The following MUC17 variants were observed in gnomAD, a reference collection of about 807,000 sequenced individuals.
MUC17 encodes the protein mucin-17.
MUC17 carries 190 observed loss-of-function variants against 170.3 expected under a neutral mutation model. The observed-to-expected ratio is 1.12, with a 90% CI of 0.99 to 1.26. MUC17 has a LOEUF of 1.26. MUC17 is among the 50% of genes most tolerant of loss of function. MUC17 has a pLI of 0.00. For synonymous variants in MUC17, 2,325 were observed against 2,002.5 expected, an observed-to-expected ratio of 1.16 and a Z score of -4.30; for missense variants, 6,415 against 5,530.0, an observed-to-expected ratio of 1.16 and a Z score of -5.08.
At position 101,042,086 on chromosome 7, in the gene MUC17, C is replaced by T. The variant is rs549810081; in HGVS notation, c.10670C>T (p.Ser3557Phe). 16 of 1,614,148 alleles carry T rather than the reference C, an allele frequency of 9.9e-6. No individual in the cohort carries two copies. The highest frequency in any genetic ancestry group is 1.7e-5 in the Admixed American group (1 of 60,026). Residue 3557 changes from serine to phenylalanine, a missense_variant, in exon 3 of 13, where the codon TCT (serine) becomes TTT (phenylalanine). Transcript: ENST00000306151. ...ACCAGTTCTAGTCAAGCCAGTTCAT[C>T]TCCAGCAACTCTTCAGGTCACCACT... ...FVTSSSQASS[S>F]PATLQVTTMR...
In MUC17 at chr7:101,043,822, A is replaced by C; in HGVS notation, c.12403+3A>C. ...TACTGTGCCAAGAACCACAACATGT[A>C]AGTGATTTCTTGAATTTTCCTTTTT... On this transcript the variant is annotated splice_donor_region_variant and intron_variant, in intron 3 of 12. Transcript: ENST00000306151. 1 of 1,581,400 alleles carries C rather than the reference A, an allele frequency of 6.3e-7. No individual in the cohort carries two copies. The highest frequency in any genetic ancestry group is 8.6e-7 in the Non-Finnish European group (1 of 1,163,470).
intron 1 of MUC17, among the ~76,000 whole-genome samples, chr7:101,028,404 T>A (rs1188189361): frequency 1.3e-5 from 2 of 152,082 alleles, no homozygotes; most frequent in Admixed American, 6.6e-5. Flanking sequence ...TTTCTTTACG[T>A]CTTTCAGTGT....
At position 101,043,074 on chromosome 7, in the gene MUC17, A is replaced by C; in HGVS notation, c.11658A>C (p.Pro3886=). The C allele has an allele frequency of 6.2e-7, 1 of 1,614,130 alleles. No individual in the cohort carries two copies. The change falls in exon 3 of 13, where the codon CCA becomes CCC. Residue 3886 remains proline (P), a synonymous_variant. Transcript: ENST00000306151. ...LTTLLVSTTL[P]TSFPGASIAS... ...CTCTCCTTGTCAGCACCACACTTCC[A>C]ACTAGCTTTCCTGGGGCCAGCATAG...
rs1794532540 is a variant in MUC17 at position 101,037,643 on chromosome 7, C to T, written c.6227C>T (p.Thr2076Ile). The change falls in exon 3 of 13, where the codon ACC becomes ATC. Residue 2076 changes from threonine to isoleucine, a missense_variant. Transcript: ENST00000306151. Reference sequence around the variant, plus strand: ...CCTGTTGACTCCAAAACTCAGGTGACCAATTCTACTGAAGCCAGTTCATCT... The same window carrying T: ...CCTGTTGACTCCAAAACTCAGGTGATCAATTCTACTGAAGCCAGTTCATCT... ...TTPVDSKTQV[T>I]NSTEASSSAT... 6 of 1,613,534 alleles carry T rather than the reference C, an allele frequency of 3.7e-6. No homozygotes were observed. In the African/African-American group the frequency reaches 5.3e-5, roughly 14 times the overall value.
At chr7:101,050,182 C>T (rs1794912134) in intron 6 of MUC17, among the ~76,000 whole-genome samples, 1 of 152,154 alleles carries the variant, frequency 6.6e-6, no homozygotes, top group African/African-American at 2.4e-5. Context: ...GTTCCCATTC[C>T]TCCATCCATC....
intron 3 of MUC17, among the ~76,000 whole-genome samples, chr7:101,045,436 C>T (rs1794822872): frequency 6.6e-6 from 1 of 151,702 alleles, no homozygotes; most frequent in African/African-American, 2.4e-5. Context: ...TCTTGTTGCC[C>T]AAGCTGGAGT....
chr7:101,035,670 A>C lies in MUC17; in HGVS notation c.4254A>C (p.Ala1418=). The change falls in exon 3 of 13, where the codon GCA becomes GCC. Residue 1418 remains alanine (A), a synonymous_variant. Transcript: ENST00000306151. The part of the protein sequence containing the change: ...VVSSEASTLS[A]TPVDTSTPGT... ...GTTCTGAGGCTAGCACCCTTTCAGC[A>C]ACTCCTGTTGACACCAGCACCCCTG... The C allele has an allele frequency of 6.2e-7, 1 of 1,608,748 alleles. No individual in the cohort carries two copies. Among genetic ancestry groups the C allele is most frequent in the Non-Finnish European group, 8.5e-7 (1 of 1,176,850 alleles).
Position 101,042,404 on chromosome 7 carries a change from G to A in MUC17, c.10988G>A (p.Ser3663Asn), listed in dbSNP as rs1449066945. Residue 3663 changes from serine to asparagine, a missense_variant, in exon 3 of 13, where the codon AGC becomes AAC. By Grantham distance (46) the Ser-to-Asn change is conservative. Coordinates refer to ENST00000306151, the MANE Select transcript of MUC17 (RefSeq NM_001040105.2). ...GCTTCAACACTTCCTGTTGACACCA[G>A]CACACCTGTGATCACTTCTACCCAA... ...GTASTLPVDT[S>N]TPVITSTQVS... The A allele has an allele frequency of 1.2e-6, 2 of 1,613,950 alleles. No individual in the cohort carries two copies. The highest frequency in any genetic ancestry group is 1.3e-5 in the African/African-American group (1 of 74,924).
Position 101,034,096 on chromosome 7 carries a change from A to G in MUC17, c.2680A>G (p.Thr894Ala), listed in dbSNP as rs771751408. The change falls in exon 3 of 13, where the codon ACA becomes GCA. Residue 894 changes from threonine to alanine, a missense_variant. Physicochemically the swap from Thr to Ala is moderately conservative, Grantham distance 58. Transcript: ENST00000306151. ...TTCAACAACTCCTGTTGACACCAGC[A>G]CACCTGTGACCAATTCTACTGAAGC... ...TLSTTPVDTS[T>A]PVTNSTEARS... 28 of 1,585,032 alleles carry G rather than the reference A, an allele frequency of 1.8e-5. No homozygotes were observed.
chr7:101,040,194 A>C lies in MUC17; in HGVS notation c.8778A>C (p.Val2926=). The change falls in exon 3 of 13, where the codon GTA becomes GTC. Residue 2926 remains valine (V), a synonymous_variant. Coordinates refer to ENST00000306151, the MANE Select transcript of MUC17 (RefSeq NM_001040105.2). ...TSMPISTPSE[V]STPLTSILVS... ...TGCCAATCTCAACTCCTAGTGAAGT[A>C]AGTACTCCATTAACAAGTATACTTG... 1 of 1,612,696 alleles carries C rather than the reference A, an allele frequency of 6.2e-7. No homozygotes were observed. Among genetic ancestry groups the C allele is most frequent in the Non-Finnish European group, 8.5e-7 (1 of 1,179,556 alleles).
At chr7:101,022,163 ATTTTTTT>A (rs1247384498) in intron 1 of MUC17, among the ~76,000 whole-genome samples, 2 of 112,980 alleles carry the variant, frequency 1.8e-5, no homozygotes, top group Admixed American at 9.5e-5. Context: ...CTCCCGAGAG[ATTTTTTT>A]TTTTTTTTTT....
rs1794580385 is a variant in MUC17 at position 101,038,811 on chromosome 7, C to A, written c.7395C>A (p.Thr2465=). The A allele has an allele frequency of 8.7e-6, 14 of 1,612,710 alleles. No homozygotes were observed. In the South Asian group the frequency reaches 1.1e-4, roughly 13 times the overall value. The change falls in exon 3 of 13, where the codon ACC becomes ACA. Residue 2465 remains threonine (T), a synonymous_variant. Coordinates refer to ENST00000306151, the MANE Select transcript of MUC17 (RefSeq NM_001040105.2). ...CGTTAGCAAGTATGCCTGTCAGCAC[C>A]ACGCCGGTGGTCAGTTCTGAGGCTG... The part of the protein sequence containing the change: ...TTPLASMPVS[T]TPVVSSEAGT...
chr7:101,042,806 C>A lies in MUC17; in HGVS notation c.11390C>A (p.Thr3797Asn). The A allele has an allele frequency of 3.1e-6, 5 of 1,614,200 alleles. No individual in the cohort carries two copies. The highest frequency in any genetic ancestry group is 4.2e-6 in the Non-Finnish European group (5 of 1,180,038). ...TCTGAAGGCAGTTCATCTCCTACAA[C>A]TCTTGAAGGCACCACCACCATGCCT... ...TASEGSSSPT[T>N]LEGTTTMPMS... Residue 3797 changes from threonine to asparagine, a missense_variant, in exon 3 of 13, where the codon ACT becomes AAT. Coordinates refer to ENST00000306151, the MANE Select transcript of MUC17 (RefSeq NM_001040105.2).
chr7:101,049,227 C>T (rs1399171998), intron 5 of MUC17, 97 bp from the exon 6 acceptor site: 27 of 1,537,762 alleles, frequency 1.8e-5, no homozygotes, highest in East Asian at 4.5e-5. Flanking sequence ...TATGATGCTG[C>T]GGGACAGGAT....
In MUC17 at chr7:101,035,311, T is replaced by G. The variant is rs1290150453; in HGVS notation, c.3895T>G (p.Leu1299Val). Residue 1299 changes from leucine to valine, a missense_variant, in exon 3 of 13, where the codon TTA (leucine) becomes GTA (valine). Leu to Val is a conservative substitution (Grantham distance 32, BLOSUM62 1). Coordinates refer to ENST00000306151, the MANE Select transcript of MUC17 (RefSeq NM_001040105.2). ...LVTSPEASTLLTTPVDTKGPV... is the reference protein window; with the variant it reads ...LVTSPEASTLVTTPVDTKGPV... ...GACCAGTCCTGAGGCTAGCACCCTT[T>G]TAACAACTCCTGTTGACACTAAAGG... 3.1e-6 allele frequency: 5 copies of G among 1,610,400 alleles called. No homozygotes were observed. The East Asian group carries it at 1.1e-4, about 36-fold the overall frequency.
rs534149898 is a variant in MUC17, at chr7:101,037,578, G to A, written c.6162G>A (p.Thr2054=). The change falls in exon 3 of 13, where the codon ACG becomes ACA. Residue 2054 remains threonine, a synonymous_variant. Coordinates refer to ENST00000306151, the MANE Select transcript of MUC17 (RefSeq NM_001040105.2). The part of the protein sequence containing the change: ...TPLAGMPVST[T]LVVSSEGNTL... Reference sequence around the variant, plus strand: ...TAGCAGGTATGCCTGTCAGCACTACGCTTGTGGTCAGTTCTGAGGGTAACA... The same window carrying A: ...TAGCAGGTATGCCTGTCAGCACTACACTTGTGGTCAGTTCTGAGGGTAACA... The A allele has an allele frequency of 2.0e-5, 33 of 1,613,092 alleles. No homozygotes were observed. The highest frequency in any genetic ancestry group is 2.4e-5 in the Non-Finnish European group (28 of 1,179,652).
chr7:101,031,290 G>C, intron 2 of MUC17, 69 bp downstream of exon 2: 1 of 1,540,674 alleles, frequency 6.5e-7, no homozygotes, highest in South Asian at 1.3e-5. Flanking sequence ...AGCGACCCCT[G>C]CCAGGCTGGT....
Position 101,042,519 on chromosome 7 carries a change from C to G in MUC17, c.11103C>G (p.Val3701=), listed in dbSNP as rs1794745024. 6.2e-7 allele frequency: 1 copy of G among 1,614,006 alleles called. No homozygotes were observed. The highest frequency in any genetic ancestry group is 1.1e-5 in the South Asian group (1 of 91,090). The change falls in exon 3 of 13, where the codon GTC becomes GTG. Residue 3701 remains valine, a synonymous_variant. Coordinates refer to ENST00000306151, the MANE Select transcript of MUC17 (RefSeq NM_001040105.2). ...GCACTCCATTAACAACTATGCCTGTCAGCACCACACGTGTGACCAGCTCTG... is the reference window on the plus strand; with the variant it reads ...GCACTCCATTAACAACTATGCCTGTGAGCACCACACGTGTGACCAGCTCTG... ...EGSTPLTTMP[V]STTRVTSSEG...
Position 101,038,225 on chromosome 7 carries a change from C to A in MUC17, c.6809C>A (p.Pro2270Gln), listed in dbSNP as rs747481631. 2.5e-6 allele frequency: 4 copies of A among 1,613,224 alleles called. No homozygotes were observed. Among genetic ancestry groups the A allele is most frequent in the African/African-American group, 1.3e-5 (1 of 74,924 alleles). ...SPTTAEGTSI[P>Q]TSTLSEGTTP... is the part of the protein sequence containing the mutation. ...ACAACTGCTGAAGGTACCAGCATAC[C>A]AACTTCAACTCTTAGTGAAGGAACG... Residue 2270 changes from proline to glutamine, a missense_variant, in exon 3 of 13, where the codon CCA (proline) becomes CAA (glutamine). Coordinates refer to ENST00000306151, the MANE Select transcript of MUC17 (RefSeq NM_001040105.2).
Sources: gnomAD v4.1 joint callset for allele counts (sites outside exome capture counted in the v4.1 genomes callset) on GRCh38, gnomAD v4.1.1 for gene constraint, MANE v1.5 for transcripts, NCBI Gene and HGNC (gene_info 2026-07-23, HGNC 2026-07-21) for gene names.